SYPL1: variants seen among roughly 807,000 people sequenced by gnomAD.
The protein encoded by SYPL1 is synaptophysin like 1, also known as synaptophysin-like protein 1.
A neutral mutation model predicts 23.7 loss-of-function variants in SYPL1; 6 were observed. The ratio of observed to expected loss-of-function variants is 0.25; its 90% confidence interval spans 0.14 to 0.50. SYPL1 has a LOEUF of 0.50. SYPL1 is among the 20% of genes least tolerant of loss of function. The pLI, the probability that SYPL1 is intolerant of heterozygous loss-of-function variation, is 0.98. For synonymous variants in SYPL1, 102 were observed against 104.5 expected (o/e 0.98, Z 0.15); for missense variants, 253 against 288.9 (o/e 0.88, Z 0.90).
rs1790059721 is a variant in SYPL1 at position 106,109,916 on chromosome 7, T to C, written c.69+2224A>G. ...CAATTCATCCTTTTAGAAATTTTCA[T>C]TTTGTCGGCAGTTAGAGGGATGGAT... On this transcript the variant is annotated intron_variant, in intron 1 of 4. Coordinates refer to ENST00000455385, the MANE Select transcript of SYPL1 (RefSeq NM_182715.4). This position sits in a 1 kb window ranked among gnomAD's most constrained non-coding sequence, Gnocchi z 4.3. 6.6e-6 allele frequency among the ~76,000 whole-genome samples: 1 copy of C among 152,176 alleles called. No individual in the cohort carries two copies. The highest frequency in any genetic ancestry group is 2.1e-4 in the South Asian group (1 of 4,822).
upstream of SYPL1, chr7:106,112,337 C>T: frequency 1.0e-6 from 1 of 952,782 alleles, no homozygotes; most frequent in Non-Finnish European, 1.3e-6. Context: ...GAGGCGGGCC[C>T]GGGCGGCCGT....
rs1385968452 is a variant in SYPL1, at chr7:106,104,082, A to G, written c.70-4800T>C. ...CCATGTATTTATGTCTTAAATGTATATGCTTCTTCTTCTGGGAATGCCCTG... is the reference window on the plus strand; with the variant it reads ...CCATGTATTTATGTCTTAAATGTATGTGCTTCTTCTTCTGGGAATGCCCTG... On this transcript the variant is annotated intron_variant, in intron 1 of 4. Transcript: ENST00000455385. This position sits in a 1 kb window ranked among gnomAD's most constrained non-coding sequence, Gnocchi z 4.1. Among the ~76,000 whole-genome samples, 1 of 152,200 alleles carries G rather than the reference A, an allele frequency of 6.6e-6. No individual in the cohort carries two copies. The highest frequency in any genetic ancestry group is 1.5e-5 in the Non-Finnish European group (1 of 68,046).
At chr7:106,092,668 A>ACCCT (rs1290527374) in intron 4 of SYPL1, 1 of 375,532 alleles carries the variant, frequency 2.7e-6, no homozygotes, top group Non-Finnish European at 4.9e-6. Context: ...GCGAAACTCC[A>ACCCT]TCTCAAAAAA....
chr7:106,099,215 C>A lies in SYPL1; in HGVS notation c.137G>T (p.Cys46Phe), dbSNP rs2116126680. The change falls in exon 2 of 5, where the codon TGT becomes TTT. Residue 46 changes from cysteine to phenylalanine, a missense_variant. Physicochemically the swap from Cys to Phe is radical, Grantham distance 205 (BLOSUM62 -2). Transcript: ENST00000455385. ...FKGQTEIQVN[C>F]PPAVTENKTV... ...TTTATTCTCAGTAACTGCAGGAGGA[C>A]AATTCACTTGAATTTCTGTTTGGCC... The A allele has an allele frequency of 6.2e-7, 1 of 1,613,926 alleles. No homozygotes were observed. The highest frequency in any genetic ancestry group is 1.7e-5 in the Admixed American group (1 of 59,998).
At chr7:106,108,980 GGAA>G (rs754542635) in intron 1 of SYPL1, among the ~76,000 whole-genome samples, 5 of 152,124 alleles carry the variant, frequency 3.3e-5, no homozygotes, top group Non-Finnish European at 7.4e-5. Flanking sequence ...ATAAGAATCA[GGAA>G]GAATACCAAA....
intron 1 of SYPL1, among the ~76,000 whole-genome samples, chr7:106,107,964 G>C (rs552457115): frequency 6.6e-6 from 1 of 152,036 alleles, no homozygotes; most frequent in Non-Finnish European, 1.5e-5. Context: ...GGAGGCCGAG[G>C]CGGGTGGATC....
intron 2 of SYPL1, among the ~76,000 whole-genome samples, chr7:106,098,609 C>G (rs1585937827): frequency 6.6e-6 from 1 of 152,252 alleles, no homozygotes; most frequent in Admixed American, 6.5e-5. Context: ...AGGACATATT[C>G]AATAAACTTT....
chr7:106,108,589 T>G (rs1208850585), intron 1 of SYPL1, among the ~76,000 whole-genome samples: 1 of 152,188 alleles, frequency 6.6e-6, no homozygotes, highest in Non-Finnish European at 1.5e-5. Context: ...ATCCAGACCT[T>G]AAGCCTGCAA....
Position 106,109,688 on chromosome 7 carries a change from T to C in SYPL1, c.69+2452A>G, listed in dbSNP as rs1417123102. ...CCCATAAAATCTGCTCCTCCTCCTC[T>C]TAATGACATTACCTTGAATATGCTA... On this transcript the variant is annotated intron_variant, in intron 1 of 4. Transcript: ENST00000455385. This position sits in a 1 kb window ranked among gnomAD's most constrained non-coding sequence, Gnocchi z 4.3. 1.3e-5 allele frequency among the ~76,000 whole-genome samples: 2 copies of C among 152,180 alleles called. No homozygotes were observed. The highest frequency in any genetic ancestry group is 2.9e-5 in the Non-Finnish European group (2 of 68,036).
intron 1 of SYPL1, among the ~76,000 whole-genome samples, chr7:106,101,458 C>G (rs796080042): frequency 3.4e-5 from 1 of 29,206 alleles, no homozygotes; most frequent in African/African-American, 1.3e-4. Flanking sequence ...CCCCCCCCCC[C>G]CCCCCCCCCA....
In SYPL1 at chr7:106,109,534, A is replaced by G. The variant is rs1345335080; in HGVS notation, c.69+2606T>C. 1.3e-5 allele frequency among the ~76,000 whole-genome samples: 2 copies of G among 152,204 alleles called. No homozygotes were observed. Among genetic ancestry groups the G allele is most frequent in the South Asian group, 2.1e-4 (1 of 4,830 alleles). On this transcript the variant is annotated intron_variant, in intron 1 of 4. Coordinates refer to ENST00000455385, the MANE Select transcript of SYPL1 (RefSeq NM_182715.4). The surrounding 1 kb of genome is among the most constrained non-coding windows in gnomAD (Gnocchi z 4.3). The stretch of plus-strand genomic sequence containing the variant: ...CATTCCTTCTCTCCTTTGCAGGCAG[A>G]TATCTGCTATATCTGCAGCCCAAAC...
chr7:106,105,772 T>TG (rs1840561532), intron 1 of SYPL1, among the ~76,000 whole-genome samples: 1 of 152,010 alleles, frequency 6.6e-6, no homozygotes, highest in Admixed American at 6.6e-5. Flanking sequence ...ATCCTGAAGG[T>TG]AAGGGGAATC....
Position 106,091,809 on chromosome 7 carries a change from A to G in SYPL1, c.722T>C (p.Ile241Thr), listed in dbSNP as rs748689567. ...ACAGTGTATTTCTCCCTTTAATTAT[A>G]TTCCGGTAGGAGGTGGAATACCTCC... ...SQGGIPPPTG[I>T] The change falls in exon 5 of 5, where the codon ATA becomes ACA. Residue 241 changes from isoleucine (I) to threonine (T), a missense_variant. By Grantham distance (89) the Ile-to-Thr change is moderately conservative. Transcript: ENST00000455385. The surrounding 1 kb of genome is among the most constrained non-coding windows in gnomAD (Gnocchi z 5.0). The G allele has an allele frequency of 1.9e-6, 3 of 1,610,514 alleles. No homozygotes were observed. In the African/African-American group the frequency reaches 4.0e-5, roughly 22 times the overall value.
At chr7:106,103,798 C>T (rs1380552568) in intron 1 of SYPL1, among the ~76,000 whole-genome samples, 2 of 152,012 alleles carry the variant, frequency 1.3e-5, no homozygotes, top group Non-Finnish European at 2.9e-5. Context: ...TTTTTTTGTA[C>T]TGGACAGAGC....
rs1396245381 is a variant in SYPL1 at position 106,097,624 on chromosome 7, A to G, written c.402+66T>C. ...TACACCAAGAATTTTTATTTCCAGT[A>G]TAAGAAAATCTATATTTAGCTTATA... is the stretch of plus-strand genomic sequence containing the variant. On this transcript the variant is annotated intron_variant, in intron 3 of 4. Coordinates refer to ENST00000455385, the MANE Select transcript of SYPL1 (RefSeq NM_182715.4). The surrounding 1 kb of genome is among the most constrained non-coding windows in gnomAD (Gnocchi z 4.6). The G allele has an allele frequency of 2.9e-6, 4 of 1,394,640 alleles. No individual in the cohort carries two copies. Among genetic ancestry groups the G allele is most frequent in the Non-Finnish European group, 2.9e-6 (3 of 1,036,124 alleles). The allele number at this position is 1,394,640 out of a possible 1,614,324, so 86.4% of individuals were successfully genotyped here.
upstream of SYPL1, chr7:106,112,323 C>G: frequency 7.8e-7 from 1 of 1,278,688 alleles, no homozygotes; most frequent in Non-Finnish European, 9.9e-7. Flanking sequence ...GCTGGCCGGG[C>G]TCGGAGGCGG....
intron 1 of SYPL1, among the ~76,000 whole-genome samples, chr7:106,108,933 G>T (rs1367406832): frequency 6.6e-6 from 1 of 152,168 alleles, no homozygotes; most frequent in Non-Finnish European, 1.5e-5. Context: ...TTGTACTGAT[G>T]AAGCAGATAA....
chr7:106,112,522 G>A, upstream of SYPL1: 1 of 1,520,978 alleles, frequency 6.6e-7, no homozygotes, highest in Non-Finnish European at 8.8e-7. Context: ...GTAGATGTTG[G>A]GCGCCATACT....
At position 106,103,923 on chromosome 7, in the gene SYPL1, T is replaced by C. The variant is rs58747356; in HGVS notation, c.70-4641A>G. 3.0e-3 allele frequency among the ~76,000 whole-genome samples: 450 copies of C among 152,328 alleles called. 3 individuals are homozygous for C. Among genetic ancestry groups the C allele is most frequent in the African/African-American group, 0.01 (417 of 41,572 alleles). ...AAATTAAACAAAAAATGCTCCAACT[T>C]CTTAATTTGGCATAAAAGGCATGGC... On this transcript the variant is annotated intron_variant, in intron 1 of 4. Coordinates refer to ENST00000455385, the MANE Select transcript of SYPL1 (RefSeq NM_182715.4).
Sources: allele counts gnomAD v4.1 joint callset (sites outside exome capture counted in the v4.1 genomes callset), GRCh38; gene constraint gnomAD v4.1.1; non-coding constraint Gnocchi (gnomAD v3.1); transcripts MANE v1.5; gene names NCBI Gene and HGNC (gene_info 2026-07-23, HGNC 2026-07-21).